The following SGCG variants were observed in gnomAD, a reference collection of about 807,000 sequenced individuals.
SGCG encodes gamma-sarcoglycan.
A neutral mutation model predicts 29.3 loss-of-function variants in SGCG; 26 were observed. The ratio of observed to expected loss-of-function variants is 0.89; its 90% CI spans 0.65 to 1.23. The LOEUF (loss-of-function observed/expected upper bound fraction) is 1.23. Among genes scored for constraint, SGCG ranks in the 50% most tolerant of loss-of-function variants. The pLI is 0.00. For missense variants in SGCG, 353 were observed against 356.0 expected (o/e 0.99, Z 0.07); for synonymous variants, 145 against 129.7 (o/e 1.12, Z -0.80).
At chr13:23,246,185 T>C (rs577288023) in intron 3 of SGCG, 19 of 152,664 alleles carry the variant, frequency 1.2e-4, no homozygotes, top group African/African-American at 4.1e-4. Flanking sequence ...GCCCAAAACA[T>C]GTCCAGAGAC....
At chr13:23,228,042 C>A (rs1175308231) in intron 2 of SGCG, among the ~76,000 whole-genome samples, 1 of 152,054 alleles carries the variant, frequency 6.6e-6, no homozygotes, top group Non-Finnish European at 1.5e-5. Context: ...AACTCCTGGG[C>A]TGAAGCTGTC....
intron 1 of SGCG, among the ~76,000 whole-genome samples, chr13:23,183,700 G>T (rs913359746): frequency 1.3e-5 from 2 of 151,692 alleles, no homozygotes; most frequent in African/African-American, 4.9e-5. Context: ...ACAGAGTCTC[G>T]CTCTATCGCC....
chr13:23,244,090 C>T (rs759863411), intron 3 of SGCG: 1 of 151,902 alleles, frequency 6.6e-6, no homozygotes, highest in African/African-American at 2.4e-5. Context: ...CTGAGTGAAC[C>T]GTAAACCTAC....
intron 6 of SGCG, 89 bp downstream of exon 6, chr13:23,295,576 G>T: frequency 2.2e-6 from 2 of 889,828 alleles, no homozygotes; most frequent in Non-Finnish European, 3.8e-6. Context: ...ACTACTTCCT[G>T]ACTGTTTCTT....
intron 1 of SGCG, among the ~76,000 whole-genome samples, chr13:23,200,778 G>T (rs887715246): frequency 1.3e-5 from 2 of 152,134 alleles, no homozygotes; most frequent in African/African-American, 2.4e-5. Context: ...TGCACAGAGA[G>T]TTGAGGGGAG....
chr13:23,321,236 T>C (rs1256079284), intron 7 of SGCG, among the ~76,000 whole-genome samples: 1 of 152,004 alleles, frequency 6.6e-6, no homozygotes, highest in Non-Finnish European at 1.5e-5. Context: ...TCAACTACAA[T>C]AAAGATAAAA....
Position 23,201,890 on chromosome 13 carries a change from G to T in SGCG, c.1-1805G>T, listed in dbSNP as rs182209171. Among the ~76,000 whole-genome samples the T allele has an allele frequency of 3.3e-3, 504 of 152,246 alleles. 2 individuals are homozygous for T. The highest frequency in any genetic ancestry group is 0.011 in the African/African-American group (475 of 41,538). ...GCACTCTCCTAGTCTGTCCTTTATAGGAATTCTGGAGCCATTATTTCAAAT... is the reference window on the plus strand; with the variant it reads ...GCACTCTCCTAGTCTGTCCTTTATATGAATTCTGGAGCCATTATTTCAAAT... On this transcript the variant is annotated intron_variant, in intron 1 of 7. Coordinates refer to ENST00000218867, the MANE Select transcript of SGCG (RefSeq NM_000231.3).
chr13:23,319,659 C>A (rs3864968), intron 6 of SGCG, among the ~76,000 whole-genome samples: 54,546 of 152,044 alleles, frequency 0.36, 11,169 homozygotes, highest in Non-Finnish European at 0.45. Flanking sequence ...CTCCCTGCCC[C>A]TCTCCTCCCA....
chr13:23,258,751 G>A lies in SGCG; in HGVS notation c.385+8034G>A, dbSNP rs569162383. Among the ~76,000 whole-genome samples, 53 of 152,226 alleles carry A rather than the reference G, an allele frequency of 3.5e-4. 1 individual carries two copies. Among genetic ancestry groups the A allele is most frequent in the African/African-American group, 7.9e-4 (33 of 41,536 alleles). ...ATATCTAGTTTATTGAGAGTTTTTA[G>A]CATGAAGGCTGTTGAATTTTGTCGA... On this transcript the variant is annotated intron_variant, in intron 4 of 7. Coordinates refer to ENST00000218867, the MANE Select transcript of SGCG (RefSeq NM_000231.3).
intron 1 of SGCG, among the ~76,000 whole-genome samples, chr13:23,195,051 C>CA (rs1877432992): frequency 6.6e-6 from 1 of 152,136 alleles, no homozygotes; most frequent in Admixed American, 6.5e-5. Context: ...AGCACTAAGT[C>CA]AGAGATTGAG....
intron 6 of SGCG, among the ~76,000 whole-genome samples, chr13:23,305,783 T>C (rs1882340517): frequency 1.3e-5 from 2 of 152,226 alleles, no homozygotes; most frequent in South Asian, 4.1e-4. Flanking sequence ...ATATGGGGTA[T>C]TACATTAATG....
the SGCG span, among the ~76,000 whole-genome samples, chr13:23,171,138 G>C: frequency 6.6e-6 from 1 of 152,070 alleles, no homozygotes; most frequent in African/African-American, 2.4e-5. Context: ...TATCATAAAG[G>C]CTACATGTAT....
At chr13:23,177,889 CTT>C (rs1876611946), upstream of SGCG, among the ~76,000 whole-genome samples, 1 of 152,012 alleles carries the variant, frequency 6.6e-6, no homozygotes, top group African/African-American at 2.4e-5. Context: ...TGTGAGCAGA[CTT>C]TTAAAAGTTA....
chr13:23,162,500 C>T, the SGCG span, among the ~76,000 whole-genome samples: 1 of 152,162 alleles, frequency 6.6e-6, no homozygotes, highest in African/African-American at 2.4e-5. Flanking sequence ...GTGGCAGGCG[C>T]CTGTAGTCCC....
At chr13:23,300,912 A>G (rs1319999476) in intron 6 of SGCG, among the ~76,000 whole-genome samples, 9 of 152,092 alleles carry the variant, frequency 5.9e-5, no homozygotes, top group East Asian at 1.9e-4. Flanking sequence ...TCAGGAGATC[A>G]AGACCATCCT....
chr13:23,208,360 T>C (rs1366389166), intron 2 of SGCG, among the ~76,000 whole-genome samples: 2 of 152,142 alleles, frequency 1.3e-5, no homozygotes, highest in Admixed American at 1.3e-4. Flanking sequence ...TGTTTCACTG[T>C]AGAAAACAGT....
chr13:23,305,476 T>C (rs886315920), intron 6 of SGCG, among the ~76,000 whole-genome samples: 4 of 152,238 alleles, frequency 2.6e-5, no homozygotes, highest in African/African-American at 9.6e-5. Context: ...CAAATAGGTA[T>C]AGTTTTACAC....
intron 4 of SGCG, among the ~76,000 whole-genome samples, chr13:23,265,032 T>C (rs1320017329): frequency 1.3e-5 from 2 of 152,010 alleles, no homozygotes; most frequent in Non-Finnish European, 2.9e-5. Flanking sequence ...GACTAAAACC[T>C]CAATAGTAAA....
At chr13:23,262,208 C>T (rs1430483703) in intron 4 of SGCG, among the ~76,000 whole-genome samples, 2 of 151,948 alleles carry the variant, frequency 1.3e-5, no homozygotes, top group Non-Finnish European at 2.9e-5. Flanking sequence ...TTAAAAGATA[C>T]AGATTAGCAA....
Sources: gnomAD v4.1 joint callset for allele counts (sites outside exome capture counted in the v4.1 genomes callset) on GRCh38, gnomAD v4.1.1 for gene constraint, MANE v1.5 for transcripts, NCBI Gene and HGNC (gene_info 2026-07-23, HGNC 2026-07-21) for gene names.